The following VIRMA variants were observed in gnomAD, a reference collection of about 807,000 sequenced individuals.
VIRMA encodes protein virilizer homolog.
A neutral mutation model predicts 182.4 loss-of-function variants in VIRMA; 65 were observed. The observed-to-expected ratio is 0.36, with a 90% confidence interval of 0.29 to 0.44. The LOEUF is 0.44. VIRMA is among the 20% of genes least tolerant of loss of function. The pLI is 1.00. For missense variants in VIRMA, 1,752 were observed against 2,158.1 expected, an observed-to-expected ratio of 0.81 and a Z score of 3.73; for synonymous variants, 709 against 743.1, an observed-to-expected ratio of 0.95 and a Z score of 0.75.
At chr8:94,505,245 C>G (rs569452980) in intron 16 of VIRMA, among the ~76,000 whole-genome samples, 1 of 152,230 alleles carries the variant, frequency 6.6e-6, no homozygotes, top group African/African-American at 2.4e-5. Flanking sequence ...AAACACAGTA[C>G]CTGCAATGTA....
chr8:94,516,578 T>C (rs1814567525), intron 10 of VIRMA, among the ~76,000 whole-genome samples: 1 of 152,140 alleles, frequency 6.6e-6, no homozygotes, highest in Non-Finnish European at 1.5e-5. Flanking sequence ...TCCACCAGAA[T>C]TACAGCTGTA....
chr8:94,546,731 G>C, intron 1 of VIRMA: 1 of 304,908 alleles, frequency 3.3e-6, no homozygotes, highest in Non-Finnish European at 6.5e-6. Flanking sequence ...TTCCCCCTCC[G>C]AGTCCCTAAA....
Position 94,491,840 on chromosome 8 carries a change from C to G in VIRMA, c.4878G>C (p.Arg1626Ser). 6.2e-7 allele frequency: 1 copy of G among 1,613,414 alleles called. No homozygotes were observed. Among genetic ancestry groups the G allele is most frequent in the Non-Finnish European group, 8.5e-7 (1 of 1,179,644 alleles). ...HVVPPPRGRG[R>S]GGFGQGIRPH... ...GTCGTATACCCTGTCCAAATCCTCCCCTGCCCCTTCCTCTTGGTGGTGGCA... is the reference window on the plus strand; with the variant it reads ...GTCGTATACCCTGTCCAAATCCTCCGCTGCCCCTTCCTCTTGGTGGTGGCA... Residue 1626 changes from arginine to serine, a missense_variant, in exon 22 of 24, where the codon AGG (arginine) becomes AGC (serine). Transcript: ENST00000297591.
intron 19 of VIRMA, 110 bp downstream of exon 19, chr8:94,495,621 G>A (rs76642335): frequency 2.9e-6 from 2 of 696,740 alleles, no homozygotes; most frequent in Non-Finnish European, 4.5e-6. Flanking sequence ...GCAAAGCCTA[G>A]AATTCTTACT....
At chr8:94,544,921 C>A (rs1452952203) in intron 1 of VIRMA, among the ~76,000 whole-genome samples, 6 of 151,862 alleles carry the variant, frequency 4.0e-5, no homozygotes, top group African/African-American at 1.5e-4. Context: ...ATAAACCCCT[C>A]CTAAAATTAA....
At position 94,496,466 on chromosome 8, in the gene VIRMA, A is replaced by G; in HGVS notation, c.4245T>C (p.Asp1415=). The change falls in exon 18 of 24, where the codon GAT becomes GAC. Residue 1415 remains aspartate (D), a synonymous_variant. Coordinates refer to ENST00000297591, the MANE Select transcript of VIRMA (RefSeq NM_015496.5). ...CCTCTACTTCCATGAGACCATTATC[A>G]TCTCCACAGCATCCCTGTAAATGTC... ...LNSDTIGCCG[D]DNGLMEVEGA... 6.2e-7 allele frequency: 1 copy of G among 1,611,476 alleles called. No homozygotes were observed. The highest frequency in any genetic ancestry group is 8.5e-7 in the Non-Finnish European group (1 of 1,179,008).
chr8:94,543,336 G>A (rs1304795653), intron 2 of VIRMA, among the ~76,000 whole-genome samples: 1 of 148,744 alleles, frequency 6.7e-6, no homozygotes, highest in Non-Finnish European at 1.5e-5. Context: ...AGGAGGCAGA[G>A]GTTGCAGTGA....
chr8:94,524,300 G>GTGTTTGTT (rs113388664), intron 8 of VIRMA, among the ~76,000 whole-genome samples: 1 of 144,368 alleles, frequency 6.9e-6, no homozygotes, highest in African/African-American at 2.6e-5. Flanking sequence ...TGCCTGGCCG[G>GTGTTTGTT]TGTTTGTTTG....
intron 18 of VIRMA, chr8:94,496,116 C>T (rs375193116): frequency 1.6e-6 from 1 of 614,460 alleles, no homozygotes; most frequent in Non-Finnish European, 2.7e-6. Context: ...AAGGAACAGA[C>T]AATTCAAAAA....
chr8:94,495,969 A>G, intron 18 of VIRMA, 78 bp from the exon 19 acceptor site: 2 of 1,277,810 alleles, frequency 1.6e-6, no homozygotes, highest in South Asian at 1.5e-5. Context: ...TTCGTAGAAA[A>G]GGCTATATGT....
chr8:94,507,501 T>C (rs1457879976), intron 15 of VIRMA, among the ~76,000 whole-genome samples: 1 of 150,566 alleles, frequency 6.6e-6, no homozygotes, highest in Non-Finnish European at 1.5e-5. Context: ...ACACCTGTAA[T>C]CCCAGCACTT....
intron 4 of VIRMA, among the ~76,000 whole-genome samples, chr8:94,536,007 C>G (rs966796188): frequency 2.0e-5 from 3 of 152,152 alleles, no homozygotes; most frequent in African/African-American, 7.2e-5. Context: ...ATAAGAAAAC[C>G]AGAGCATGTG....
intron 17 of VIRMA, 139 bp from the exon 18 acceptor site, chr8:94,496,619 T>C: frequency 1.7e-6 from 1 of 587,190 alleles, no homozygotes; most frequent in Non-Finnish European, 2.8e-6. Flanking sequence ...AAATGGCTAG[T>C]TTTAAGGATT....
At chr8:94,537,030 T>C (rs371157987) in intron 4 of VIRMA, 73 bp downstream of exon 4, 7 of 975,566 alleles carry the variant, frequency 7.2e-6, no homozygotes, top group African/African-American at 6.5e-5. Flanking sequence ...CACTGATTTA[T>C]GTGGATCAAA....
At chr8:94,528,115 G>A (rs1414331921) in intron 7 of VIRMA, among the ~76,000 whole-genome samples, 1 of 151,404 alleles carries the variant, frequency 6.6e-6, no homozygotes, top group Non-Finnish European at 1.5e-5. Flanking sequence ...GTGCCTGTAA[G>A]CCCAGCTACT....
At chr8:94,513,757 C>T (rs2130313839) in intron 11 of VIRMA, among the ~76,000 whole-genome samples, 1 of 152,232 alleles carries the variant, frequency 6.6e-6, no homozygotes, top group Admixed American at 6.5e-5. Flanking sequence ...CACAAGTACC[C>T]AGAATACATG....
At chr8:94,538,758 C>T (rs781376446) in intron 2 of VIRMA, among the ~76,000 whole-genome samples, 2 of 152,008 alleles carry the variant, frequency 1.3e-5, no homozygotes, top group African/African-American at 2.4e-5. Flanking sequence ...ATTACAGGCA[C>T]GCACCACCAT....
In VIRMA at chr8:94,511,645, T is replaced by G. The variant is rs1186383983; in HGVS notation, c.2930A>C (p.Gln977Pro). 6.2e-7 allele frequency: 1 copy of G among 1,614,030 alleles called. No individual in the cohort carries two copies. Among genetic ancestry groups the G allele is most frequent in the East Asian group, 2.2e-5 (1 of 44,888 alleles). The part of the protein sequence containing the change: ...EGMDTFIRVL[Q>P]KLNSILTQPW... ...CTGAGTCAGAATACTGTTCAATTTT[T>G]GCAGAACTCGAATAAACGTGTCCAT... Residue 977 changes from glutamine to proline, a missense_variant, in exon 13 of 24, where the codon CAA becomes CCA. Transcript: ENST00000297591.
intron 5 of VIRMA, among the ~76,000 whole-genome samples, chr8:94,532,701 C>T (rs1815210953): frequency 6.6e-6 from 1 of 152,144 alleles, no homozygotes; most frequent in Admixed American, 6.5e-5. Context: ...TGTGGTGGCT[C>T]ACACCTGTCA....
Sources: gnomAD v4.1 joint callset for allele counts (sites outside exome capture counted in the v4.1 genomes callset) on GRCh38, gnomAD v4.1.1 for gene constraint, MANE v1.5 for transcripts, NCBI Gene and HGNC (gene_info 2026-07-23, HGNC 2026-07-21) for gene names.